Variants in C1QTNF1 observed in about 807,000 individuals in gnomAD.
The protein encoded by C1QTNF1 is C1q and TNF related 1, also known as complement C1q tumor necrosis factor-related protein 1.
C1QTNF1 carries 22 observed loss-of-function variants against 27.8 expected under a neutral mutation model. The ratio of observed to expected loss-of-function variants is 0.79; its 90% CI spans 0.56 to 1.13. The LOEUF (loss-of-function observed/expected upper bound fraction) is 1.13, where lower values mean the gene tolerates loss of function less well. C1QTNF1 is among the 50% of genes most tolerant of loss of function. C1QTNF1 has a pLI of 0.00. For missense variants in C1QTNF1, 373 were observed against 380.2 expected (o/e 0.98, Z 0.16); for synonymous variants, 166 against 154.3 (o/e 1.08, Z -0.56).
chr17:79,030,477 T>TTC (rs1568060977), intron 1 of C1QTNF1, among the ~76,000 whole-genome samples: 3 of 112,098 alleles, frequency 2.7e-5, no homozygotes, highest in South Asian at 6.1e-4. Context: ...CTTTCTTTCT[T>TTC]TCTTTCTTTT....
Position 79,047,968 on chromosome 17 carries a change from G to A in C1QTNF1, c.726G>A (p.Glu242=), listed in dbSNP as rs775263686. Residue 242 remains glutamate, a synonymous_variant, in exon 4 of 4, where the codon GAG becomes GAA. Coordinates refer to ENST00000579760, the MANE Select transcript of C1QTNF1 (RefSeq NM_030968.5). ...AGAGCCTGATGCTGGAGCTGCGAGA[G>A]CAGGACCAGGTGTGGGTACGCCTCT... The part of the protein sequence containing the change: ...QSQSLMLELR[E]QDQVWVRLYK... 3.2e-5 allele frequency: 51 copies of A among 1,613,690 alleles called. No homozygotes were observed. Among genetic ancestry groups the A allele is most frequent in the Non-Finnish European group, 4.2e-5 (50 of 1,180,010 alleles).
intron 1 of C1QTNF1, among the ~76,000 whole-genome samples, chr17:79,030,994 A>ATTTCT (rs567269202): frequency 1.6e-3 from 219 of 137,550 alleles, no homozygotes; most frequent in African/African-American, 5.7e-3. Flanking sequence ...CCTCCATATT[A>ATTTCT]TTTCTTTTCT....
At chr17:79,025,874 A>AATC (rs1555669078) in intron 1 of C1QTNF1, 1 of 427,758 alleles carries the variant, frequency 2.3e-6, no homozygotes, top group South Asian at 1.7e-5. Context: ...CAACAGTGGC[A>AATC]ATCATCATCA....
At chr17:79,027,177 C>T (rs965226101) in intron 1 of C1QTNF1, among the ~76,000 whole-genome samples, 5 of 152,204 alleles carry the variant, frequency 3.3e-5, no homozygotes, top group Middle Eastern at 6.8e-3. Flanking sequence ...TTACACCATC[C>T]CCTGGACGAT....
intron 1 of C1QTNF1, chr17:79,025,971 A>G (rs1272033752): frequency 2.8e-6 from 1 of 362,658 alleles, no homozygotes; most frequent in Non-Finnish European, 5.5e-6. Flanking sequence ...CAGGCGCTCA[A>G]CATTATATTA....
At chr17:79,023,791 C>CT (rs1456847466), upstream of C1QTNF1, among the ~76,000 whole-genome samples, 3 of 152,150 alleles carry the variant, frequency 2.0e-5, no homozygotes, top group Admixed American at 2.0e-4. Context: ...CTGTCTGAGT[C>CT]CCCGATAATG....
chr17:79,039,667 C>CA (rs972581520), intron 1 of C1QTNF1, among the ~76,000 whole-genome samples: 2 of 150,534 alleles, frequency 1.3e-5, no homozygotes, highest in African/African-American at 4.9e-5. Flanking sequence ...TAAAATAAAA[C>CA]AAAAAAACCC....
At chr17:79,029,697 C>A (rs1001334528) in intron 1 of C1QTNF1, among the ~76,000 whole-genome samples, 2 of 152,188 alleles carry the variant, frequency 1.3e-5, no homozygotes, top group African/African-American at 4.8e-5. Flanking sequence ...CCTACTCAGG[C>A]AGCCTCCTTC....
chr17:79,043,745 G>C (rs757362109), intron 1 of C1QTNF1: 3 of 669,248 alleles, frequency 4.5e-6, no homozygotes, highest in Non-Finnish European at 8.2e-6. Flanking sequence ...GTGTGTGCAC[G>C]TGAGTGCGTC....
intron 3 of C1QTNF1, chr17:79,047,189 C>T: frequency 3.5e-6 from 1 of 286,432 alleles, no homozygotes; most frequent in Non-Finnish European, 6.5e-6. Flanking sequence ...GCCGCAGAGC[C>T]CATTGCTTTT....
At chr17:79,028,127 C>T (rs73999387) in intron 1 of C1QTNF1, among the ~76,000 whole-genome samples, 12 of 152,054 alleles carry the variant, frequency 7.9e-5, no homozygotes, top group Non-Finnish European at 1.5e-4. Context: ...GAGCAGGAGA[C>T]GGCAGGCAGG....
intron 2 of C1QTNF1, among the ~76,000 whole-genome samples, chr17:79,045,586 A>G (rs62063761): frequency 0.17 from 25,131 of 152,106 alleles, 3,461 homozygotes; most frequent in African/African-American, 0.38. Flanking sequence ...CTCTGCTGAA[A>G]GTTGTGCCAG....
rs116527629 is a variant in C1QTNF1, at chr17:79,043,744, C to T, written c.-14-211C>T. 1.2e-3 allele frequency: 771 copies of T among 668,350 alleles called. 4 individuals carry two copies. The highest frequency in any genetic ancestry group is 0.011 in the African/African-American group (645 of 56,520). 41.4% of individuals were successfully genotyped at this position (668,350 alleles called of 1,614,324 possible). On this transcript the variant is annotated intron_variant, in intron 1 of 3. Transcript: ENST00000579760. ...ATGTGTGTGCATGTGCGTGTGTGCA[C>T]GTGAGTGCGTCGTGAGTGCGTGTAT... is the stretch of plus-strand genomic sequence containing the variant.
chr17:79,030,485 T>TTCTTTTTC (rs1471598732), intron 1 of C1QTNF1, among the ~76,000 whole-genome samples: 118 of 121,852 alleles, frequency 9.7e-4, no homozygotes, highest in Non-Finnish European at 1.1e-3. Context: ...CTTTCTTTCT[T>TTCTTTTTC]TTTCTTTCTT....
intron 2 of C1QTNF1, among the ~76,000 whole-genome samples, chr17:79,044,669 G>A (rs929788142): frequency 6.6e-6 from 1 of 152,138 alleles, no homozygotes; most frequent in Non-Finnish European, 1.5e-5. Flanking sequence ...TCGTGTCTAC[G>A]ACCTGCAATG....
chr17:79,037,011 G>C (rs1180962897), intron 1 of C1QTNF1, among the ~76,000 whole-genome samples: 1 of 152,226 alleles, frequency 6.6e-6, no homozygotes, highest in Non-Finnish European at 1.5e-5. Flanking sequence ...CAGGCACATA[G>C]TCCCAGAGCT....
intron 1 of C1QTNF1, among the ~76,000 whole-genome samples, chr17:79,037,605 G>T (rs745888859): frequency 6.6e-6 from 1 of 152,132 alleles, no homozygotes; most frequent in Non-Finnish European, 1.5e-5. Flanking sequence ...TGGTGAACTT[G>T]CATGTGACTA....
At chr17:79,037,564 A>C (rs537036435) in intron 1 of C1QTNF1, among the ~76,000 whole-genome samples, 1 of 152,306 alleles carries the variant, frequency 6.6e-6, no homozygotes, top group East Asian at 1.9e-4. Context: ...GCGCCCAGCC[A>C]AAAGGCCCAA....
At chr17:79,031,646 G>A (rs1482015201) in intron 1 of C1QTNF1, among the ~76,000 whole-genome samples, 1 of 152,036 alleles carries the variant, frequency 6.6e-6, no homozygotes, top group Non-Finnish European at 1.5e-5. Context: ...GTTTCACCAT[G>A]TCGGCCAGGC....
Sources: gnomAD v4.1 joint callset for allele counts (sites outside exome capture counted in the v4.1 genomes callset) on GRCh38, gnomAD v4.1.1 for gene constraint, MANE v1.5 for transcripts, NCBI Gene and HGNC (gene_info 2026-07-23, HGNC 2026-07-21) for gene names.